Variants in ZDBF2 observed in about 807,000 individuals in gnomAD.
ZDBF2 encodes zinc finger DBF-type containing 2, also known as DBF4-type zinc finger-containing protein 2.
A neutral mutation model predicts 9.4 loss-of-function variants in ZDBF2; 6 were observed. The ratio of observed to expected loss-of-function variants is 0.64; its 90% CI spans 0.35 to 1.27. The LOEUF (loss-of-function observed/expected upper bound fraction) is 1.27, where lower values mean the gene tolerates loss of function less well. Among genes scored for constraint, ZDBF2 ranks in the 50% most tolerant of loss-of-function variants. ZDBF2 has a pLI of 0.03. For synonymous variants in ZDBF2, 905 were observed against 946.3 expected, an observed-to-expected ratio of 0.96 and a Z score of 0.80; for missense variants, 2,697 against 2,766.8, an observed-to-expected ratio of 0.97 and a Z score of 0.57.
Position 206,281,891 on chromosome 2 carries a change from G to C in ZDBF2, c.42G>C (p.Gln14His). 6.2e-7 allele frequency: 1 copy of C among 1,613,044 alleles called. No homozygotes were observed. The highest frequency in any genetic ancestry group is 1.7e-4 in the Middle Eastern group (1 of 6,058). Residue 14 changes from glutamine to histidine, a missense_variant, in exon 3 of 5, where the codon CAG becomes CAC. Gln to His is a conservative substitution (Grantham distance 24). Around this residue, in one of 3 missense-constraint regions of ZDBF2, gnomAD observed 910 missense variants for 973.6 expected, o/e 0.93. Coordinates refer to ENST00000374423, the MANE Select transcript of ZDBF2 (RefSeq NM_020923.3). ...RQGYCSYCRV[Q>H]YNNLEQHLFS... ...GATATTGCAGTTATTGCCGTGTGCA[G>C]TATAATAACCTGGAACAGGTGAGCG... is the stretch of plus-strand genomic sequence containing the variant.
chr2:206,310,358 C>A lies in ZDBF2; in HGVS notation c.5830C>A (p.His1944Asn), dbSNP rs1474157870. 6.2e-7 allele frequency: 1 copy of A among 1,613,794 alleles called. No homozygotes were observed. The highest frequency in any genetic ancestry group is 1.7e-5 in the Admixed American group (1 of 59,996). Residue 1944 changes from histidine (H) to asparagine (N), a missense_variant, in exon 5 of 5, where the codon CAT becomes AAT. Physicochemically the swap from His to Asn is moderately conservative, Grantham distance 68. Transcript: ENST00000374423. Reference sequence around the variant, plus strand: ...TCAATGCCAGACAGCGAAAATCAGCCATAGTACTCAGACCAGTTGTAAGAA... The same window carrying A: ...TCAATGCCAGACAGCGAAAATCAGCAATAGTACTCAGACCAGTTGTAAGAA... ...ASQCQTAKISHSTQTSCKNYP... is the reference protein window; with the variant it reads ...ASQCQTAKISNSTQTSCKNYP...
intron 3 of ZDBF2, among the ~76,000 whole-genome samples, chr2:206,290,985 A>G (rs767616976): frequency 2.0e-5 from 3 of 152,150 alleles, no homozygotes; most frequent in Non-Finnish European, 1.5e-5. Flanking sequence ...GTTTTAGCCT[A>G]ATTTGCTAAG....
chr2:206,309,808 T>A lies in ZDBF2; in HGVS notation c.5280T>A (p.Thr1760=), dbSNP rs766579757. The change falls in exon 5 of 5, where the codon ACT becomes ACA. Residue 1760 remains threonine (T), a synonymous_variant. Coordinates refer to ENST00000374423, the MANE Select transcript of ZDBF2 (RefSeq NM_020923.3). ...GTGCTCCCCCTCTTCCATCTGATACTGATCAGCCTCAAGAAACTGTTAAGA... is the reference window on the plus strand; with the variant it reads ...GTGCTCCCCCTCTTCCATCTGATACAGATCAGCCTCAAGAAACTGTTAAGA... ...FQCAPPLPSD[T]DQPQETVKKR... is the part of the protein sequence containing the mutation. 6 of 1,613,776 alleles carry A rather than the reference T, an allele frequency of 3.7e-6. No homozygotes were observed. Among genetic ancestry groups the A allele is most frequent in the Admixed American group, 1.7e-5 (1 of 59,980 alleles).
rs1693041174 is a variant in ZDBF2, at chr2:206,309,672, C to T, written c.5144C>T (p.Ser1715Phe). Residue 1715 changes from serine (S) to phenylalanine (F), a missense_variant, in exon 5 of 5, where the codon TCT (serine) becomes TTT (phenylalanine). This residue lies in a region of ZDBF2 where 1,783 missense variants were observed against 1,776.5 expected (regional missense o/e 1.00). Coordinates refer to ENST00000374423, the MANE Select transcript of ZDBF2 (RefSeq NM_020923.3). ...GCTTCTGCAGTGGATTTTGGTGCCT[C>T]TTCCAAGTCAGCGCTCCATCGAAGG... ...SSASAVDFGA[S>F]SKSALHRRAD... 1 of 1,613,838 alleles carries T rather than the reference C, an allele frequency of 6.2e-7. No homozygotes were observed. Among genetic ancestry groups the T allele is most frequent in the Non-Finnish European group, 8.5e-7 (1 of 1,179,872 alleles).
At chr2:206,298,340 T>G (rs1449524875) in intron 4 of ZDBF2, among the ~76,000 whole-genome samples, 1 of 152,208 alleles carries the variant, frequency 6.6e-6, no homozygotes, top group Non-Finnish European at 1.5e-5. Flanking sequence ...TTAACTGAGA[T>G]GTGCACCAGT....
At chr2:206,304,581 C>G in intron 4 of ZDBF2, 136 bp from the exon 5 acceptor site, 1 of 1,086,904 alleles carries the variant, frequency 9.2e-7, no homozygotes, top group Non-Finnish European at 1.3e-6. Context: ...AGTGTTCAGC[C>G]TGGGGTGACT....
At chr2:206,288,281 G>T (rs925829030) in intron 3 of ZDBF2, among the ~76,000 whole-genome samples, 2 of 152,202 alleles carry the variant, frequency 1.3e-5, no homozygotes, top group African/African-American at 4.8e-5. Context: ...TTACTCTGTT[G>T]CTAGATAGAT....
In ZDBF2 at chr2:206,309,709, A is replaced by T. The variant is rs1693044517; in HGVS notation, c.5181A>T (p.Lys1727Asn). 6.2e-7 allele frequency: 1 copy of T among 1,613,930 alleles called. No homozygotes were observed. The highest frequency in any genetic ancestry group is 2.2e-5 in the East Asian group (1 of 44,880). ...CGCTCCATCGAAGGGCTGATAAAAA[A>T]AAACGTTCGAAGCTAAAACATAGAG... is the stretch of plus-strand genomic sequence containing the variant. ...KSALHRRADKKKRSKLKHRDL... is the reference protein window; with the variant it reads ...KSALHRRADKNKRSKLKHRDL... The change falls in exon 5 of 5, where the codon AAA becomes AAT. Residue 1727 changes from lysine (K) to asparagine (N), a missense_variant. Transcript: ENST00000374423.
Position 206,305,198 on chromosome 2 carries a change from G to A in ZDBF2, c.670G>A (p.Val224Ile), listed in dbSNP as rs201900672. Residue 224 changes from valine to isoleucine, a missense_variant, in exon 5 of 5, where the codon GTT becomes ATT. Physicochemically the swap from Val to Ile is conservative, Grantham distance 29. Around this residue, in one of 3 missense-constraint regions of ZDBF2, gnomAD observed 910 missense variants for 973.6 expected, o/e 0.93. Coordinates refer to ENST00000374423, the MANE Select transcript of ZDBF2 (RefSeq NM_020923.3). ...AGTTAGCAAATGTGACCCAAACAAA[G>A]TTGAGAAATATCTTGAACAGCCAGA... ...DSVSKCDPNK[V>I]EKYLEQPDGA... 8.1e-6 allele frequency: 13 copies of A among 1,613,826 alleles called. No individual in the cohort carries two copies. The African/African-American group carries it at 1.5e-4, about 18-fold the overall frequency.
chr2:206,304,591 T>C, intron 4 of ZDBF2, 126 bp from the exon 5 acceptor site: 1 of 1,199,892 alleles, frequency 8.3e-7, no homozygotes, highest in Non-Finnish European at 1.1e-6. Flanking sequence ...CTGGGGTGAC[T>C]GCCTGGATTC....
chr2:206,300,409 G>A (rs369651769), intron 4 of ZDBF2, among the ~76,000 whole-genome samples: 43 of 152,242 alleles, frequency 2.8e-4, no homozygotes, highest in African/African-American at 9.1e-4. Flanking sequence ...TATTTATAGA[G>A]TACTGGCCAG....
intron 3 of ZDBF2, among the ~76,000 whole-genome samples, chr2:206,296,304 G>T (rs185347200): frequency 6.6e-6 from 1 of 152,176 alleles, no homozygotes. Flanking sequence ...TCCCACTCAG[G>T]ACATGAATCA....
In ZDBF2 at chr2:206,310,344, C is replaced by A; in HGVS notation, c.5816C>A (p.Thr1939Lys). 6.2e-7 allele frequency: 1 copy of A among 1,613,838 alleles called. No individual in the cohort carries two copies. The highest frequency in any genetic ancestry group is 2.2e-5 in the East Asian group (1 of 44,876). ...QKGRVASQCQ[T>K]AKISHSTQTS... ...GGGCGTGTGGCTTCTCAATGCCAGACAGCGAAAATCAGCCATAGTACTCAG... is the reference window on the plus strand; with the variant it reads ...GGGCGTGTGGCTTCTCAATGCCAGAAAGCGAAAATCAGCCATAGTACTCAG... The change falls in exon 5 of 5, where the codon ACA becomes AAA. Residue 1939 changes from threonine to lysine, a missense_variant. Physicochemically the swap from Thr to Lys is moderately conservative, Grantham distance 78. This residue lies in a region of ZDBF2 where 1,783 missense variants were observed against 1,776.5 expected (regional missense o/e 1.00). Coordinates refer to ENST00000374423, the MANE Select transcript of ZDBF2 (RefSeq NM_020923.3).
chr2:206,309,950 A>T lies in ZDBF2; in HGVS notation c.5422A>T (p.Ile1808Leu), dbSNP rs746101016. 6.2e-7 allele frequency: 1 copy of T among 1,613,738 alleles called. No homozygotes were observed. Among genetic ancestry groups the T allele is most frequent in the Admixed American group, 1.7e-5 (1 of 59,968 alleles). ...VRNLKKAKDV[I>L]EDNPDEPVLE... ...GAACCTGAAAAAAGCAAAGGATGTC[A>T]TAGAGGATAATCCTGATGAACCAGT... Residue 1808 changes from isoleucine to leucine, a missense_variant, in exon 5 of 5, where the codon ATA becomes TTA. This residue lies in a region of ZDBF2 where 1,783 missense variants were observed against 1,776.5 expected (regional missense o/e 1.00). Coordinates refer to ENST00000374423, the MANE Select transcript of ZDBF2 (RefSeq NM_020923.3).
chr2:206,279,443 CAT>C (rs1559130256), intron 1 of ZDBF2, 95 bp from the exon 2 acceptor site: 1 of 152,122 alleles, frequency 6.6e-6, no homozygotes, highest in African/African-American at 2.4e-5. Context: ...TTATTGGAAA[CAT>C]GTCACCGTTC....
rs188885516 is a variant in ZDBF2, at chr2:206,280,366, T to C, written c.-50+774T>C. On this transcript the variant is annotated intron_variant, in intron 2 of 4. Transcript: ENST00000374423. ...ATTTACATTTTGTGTGTATGTGATATTAGATTAATGGTTTACTTTTGTCCT... is the reference window on the plus strand; with the variant it reads ...ATTTACATTTTGTGTGTATGTGATACTAGATTAATGGTTTACTTTTGTCCT... 3.7e-3 allele frequency among the ~76,000 whole-genome samples: 568 copies of C among 152,348 alleles called. 3 individuals are homozygous for C. Among genetic ancestry groups the C allele is most frequent in the African/African-American group, 0.013 (554 of 41,588 alleles).
chr2:206,302,457 C>A (rs1692555492), intron 4 of ZDBF2, among the ~76,000 whole-genome samples: 1 of 152,134 alleles, frequency 6.6e-6, no homozygotes, highest in Non-Finnish European at 1.5e-5. Context: ...ATCAAAGCAT[C>A]CAGATGGCAG....
At chr2:206,289,519 G>A (rs972130237) in intron 3 of ZDBF2, among the ~76,000 whole-genome samples, 6 of 152,174 alleles carry the variant, frequency 3.9e-5, no homozygotes, top group Admixed American at 2.6e-4. Context: ...ACCACTGTTT[G>A]TAGCTTGGCC....
chr2:206,284,728 T>A (rs2105905277), intron 3 of ZDBF2, among the ~76,000 whole-genome samples: 1 of 152,292 alleles, frequency 6.6e-6, no homozygotes, highest in South Asian at 2.1e-4. Flanking sequence ...TATACCACAT[T>A]TCCTTTTTGT....
Sources: allele counts gnomAD v4.1 joint callset (sites outside exome capture counted in the v4.1 genomes callset), GRCh38; gene constraint gnomAD v4.1.1; regional missense constraint gnomAD v4.1.1; transcripts MANE v1.5; gene names NCBI Gene and HGNC (gene_info 2026-07-23, HGNC 2026-07-21).